The following PRKG1 variants were observed in gnomAD, a reference collection of about 807,000 sequenced individuals.
PRKG1 encodes the protein protein kinase cGMP-dependent 1.
PRKG1 carries 35 observed loss-of-function variants against 88.1 expected under a neutral mutation model. The observed-to-expected ratio is 0.40, with a 90% CI of 0.30 to 0.53. The LOEUF is 0.53. PRKG1 is among the 20% of genes least tolerant of loss of function. The pLI is 0.59. For synonymous variants in PRKG1, 303 were observed against 292.5 expected (o/e 1.04, Z -0.37); for missense variants, 540 against 839.8 (o/e 0.64, Z 4.41).
chr10:52,292,938 G>C (rs1047399030), intron 17 of PRKG1, among the ~76,000 whole-genome samples: 2 of 152,194 alleles, frequency 1.3e-5, no homozygotes, highest in Non-Finnish European at 2.9e-5. Flanking sequence ...AGTAAATAAA[G>C]GGTATTCAAT....
At chr10:51,938,699 T>A (rs1235669876) in intron 5 of PRKG1, among the ~76,000 whole-genome samples, 1 of 151,832 alleles carries the variant, frequency 6.6e-6, no homozygotes, top group Non-Finnish European at 1.5e-5. Context: ...ACATCAGGGG[T>A]ATCCCTAGTC....
intron 3 of PRKG1, among the ~76,000 whole-genome samples, chr10:51,764,748 C>G (rs903993950): frequency 6.6e-6 from 1 of 152,082 alleles, no homozygotes; most frequent in Non-Finnish European, 1.5e-5. Flanking sequence ...TGGTCTCCCC[C>G]CAAAATTAGG....
chr10:51,994,998 T>A (rs958411021), intron 5 of PRKG1, among the ~76,000 whole-genome samples: 2 of 152,148 alleles, frequency 1.3e-5, no homozygotes, highest in African/African-American at 4.8e-5. Flanking sequence ...GCTCATTGAA[T>A]CTTCACAGCA....
chr10:51,816,977 A>G (rs575439522), intron 4 of PRKG1, among the ~76,000 whole-genome samples: 2 of 152,320 alleles, frequency 1.3e-5, no homozygotes, highest in African/African-American at 4.8e-5. Flanking sequence ...AAGAAATTAA[A>G]TACATTAGTA....
At chr10:52,246,518 A>G (rs2132390465) in intron 9 of PRKG1, among the ~76,000 whole-genome samples, 1 of 152,276 alleles carries the variant, frequency 6.6e-6, no homozygotes, top group African/African-American at 2.4e-5. Flanking sequence ...AGAAATGAAA[A>G]GGTGAAAATC....
chr10:51,309,871 A>G (rs1336828821), intron 2 of PRKG1, among the ~76,000 whole-genome samples: 3 of 152,356 alleles, frequency 2.0e-5, no homozygotes, highest in Admixed American at 6.5e-5. Context: ...ATGATTGGAT[A>G]AAGAAAATGT....
At chr10:51,008,369 G>A (rs1266626392) in intron 1 of PRKG1, among the ~76,000 whole-genome samples, 1 of 152,136 alleles carries the variant, frequency 6.6e-6, no homozygotes, top group Non-Finnish European at 1.5e-5. Flanking sequence ...AAACTGGGTG[G>A]CTTCAAGCAA....
At chr10:51,406,123 G>A (rs1193727492) in intron 2 of PRKG1, among the ~76,000 whole-genome samples, 1 of 152,084 alleles carries the variant, frequency 6.6e-6, no homozygotes, top group Non-Finnish European at 1.5e-5. Flanking sequence ...TCTTAATGAT[G>A]TTAACTACCC....
chr10:51,393,872 C>T (rs530903399), intron 2 of PRKG1, among the ~76,000 whole-genome samples: 1 of 152,012 alleles, frequency 6.6e-6, no homozygotes, highest in Non-Finnish European at 1.5e-5. Context: ...TCACACTGTA[C>T]TATTTGGGGG....
At chr10:51,978,877 T>C (rs1228277569) in intron 5 of PRKG1, among the ~76,000 whole-genome samples, 11 of 152,252 alleles carry the variant, frequency 7.2e-5, no homozygotes, top group African/African-American at 2.6e-4. Flanking sequence ...CTATGGGTTT[T>C]CTAGGTATAG....
intron 1 of PRKG1, among the ~76,000 whole-genome samples, chr10:51,043,246 A>G (rs1843447433): frequency 1.3e-5 from 2 of 152,206 alleles, no homozygotes; most frequent in African/African-American, 4.8e-5. Context: ...CAATACTCCC[A>G]GCAGCTGGGG....
rs1235525165 is a variant in PRKG1, at chr10:52,297,668, C to T, written c.*3768C>T. ...TTCTATCAGTCTGTATACAGGTATT[C>T]CTGTTTTGCTAAGCTGTGCAGATTC... On this transcript the variant is annotated 3_prime_UTR_variant, in exon 18 of 18. Transcript: ENST00000373980. The T allele has an allele frequency of 6.6e-6, 1 of 152,106 alleles. No individual in the cohort carries two copies. The highest frequency in any genetic ancestry group is 1.5e-5 in the Non-Finnish European group (1 of 68,008). 9.4% of individuals were successfully genotyped at this position (152,106 alleles called of 1,614,324 possible). A position where few individuals can be genotyped will look rare whatever the true frequency, so the allele number is the denominator to read the frequency against.
At chr10:51,106,561 C>T (rs998985770) in intron 1 of PRKG1, among the ~76,000 whole-genome samples, 3 of 152,240 alleles carry the variant, frequency 2.0e-5, no homozygotes, top group Admixed American at 6.5e-5. Context: ...TCTGTGCCCG[C>T]CTTGCTCAGA....
At chr10:51,349,008 G>T (rs572069738) in intron 2 of PRKG1, among the ~76,000 whole-genome samples, 3 of 151,872 alleles carry the variant, frequency 2.0e-5, no homozygotes, top group Admixed American at 1.3e-4. Context: ...ACGATAGTGA[G>T]ATGATGCTAA....
At chr10:51,220,963 T>C (rs1174105381) in intron 2 of PRKG1, among the ~76,000 whole-genome samples, 2 of 152,216 alleles carry the variant, frequency 1.3e-5, no homozygotes, top group Admixed American at 1.3e-4. Flanking sequence ...TCTAATCTTA[T>C]AGTATAATAT....
intron 5 of PRKG1, among the ~76,000 whole-genome samples, chr10:51,923,840 T>C (rs948825980): frequency 2.0e-5 from 3 of 152,108 alleles, no homozygotes; most frequent in African/African-American, 7.2e-5. Flanking sequence ...TAATGCTTTT[T>C]TTTTTTGAGA....
chr10:52,027,290 C>T (rs767874193), intron 5 of PRKG1, among the ~76,000 whole-genome samples: 3 of 152,090 alleles, frequency 2.0e-5, no homozygotes, highest in Non-Finnish European at 4.4e-5. Context: ...AAACTCAGTT[C>T]AGAGGGTCGT....
At chr10:51,204,381 TG>T (rs1224552579) in intron 2 of PRKG1, among the ~76,000 whole-genome samples, 4 of 151,906 alleles carry the variant, frequency 2.6e-5, no homozygotes, top group African/African-American at 9.7e-5. Context: ...TGTGTGTGTG[TG>T]TGTGTGTGTG....
intron 9 of PRKG1, among the ~76,000 whole-genome samples, chr10:52,226,433 G>A (rs1268580837): frequency 6.6e-6 from 1 of 152,144 alleles, no homozygotes; most frequent in African/African-American, 2.4e-5. Flanking sequence ...TTATTAAGCT[G>A]AGAATAATTG....
Sources: allele counts gnomAD v4.1 joint callset (sites outside exome capture counted in the v4.1 genomes callset), GRCh38; gene constraint gnomAD v4.1.1; transcripts MANE v1.5; gene names NCBI Gene and HGNC (gene_info 2026-07-23, HGNC 2026-07-21).